Variants in FRMD4A observed in about 807,000 individuals in gnomAD.
The protein encoded by FRMD4A is FERM domain-containing protein 4A.
FRMD4A carries 29 observed loss-of-function variants against 129.1 expected under a neutral mutation model. That is an observed-to-expected ratio of 0.22 (90% CI 0.17 to 0.31). FRMD4A has a LOEUF of 0.31. Ranked by LOEUF, FRMD4A falls within the 10% of genes least tolerant of loss-of-function variation. The pLI, the probability that FRMD4A is intolerant of heterozygous loss-of-function variation, is 1.00. For synonymous variants in FRMD4A, 634 were observed against 571.6 expected, an observed-to-expected ratio of 1.11 and a Z score of -1.56; for missense variants, 1,272 against 1,375.8, an observed-to-expected ratio of 0.92 and a Z score of 1.19.
chr10:13,940,193 C>T (rs1366680058), intron 2 of FRMD4A, among the ~76,000 whole-genome samples: 2 of 151,934 alleles, frequency 1.3e-5, no homozygotes, highest in Non-Finnish European at 2.9e-5. Flanking sequence ...GGGGGTCTGA[C>T]AATGCTTCAC....
At chr10:14,151,306 T>C (rs1204168341) in intron 2 of FRMD4A, among the ~76,000 whole-genome samples, 1 of 152,204 alleles carries the variant, frequency 6.6e-6, no homozygotes, top group Non-Finnish European at 1.5e-5. Flanking sequence ...GTGGTACATG[T>C]ACACCATGAA....
At chr10:14,287,668 T>C (rs1845724408) in intron 2 of FRMD4A, among the ~76,000 whole-genome samples, 1 of 152,118 alleles carries the variant, frequency 6.6e-6, no homozygotes, top group Admixed American at 6.6e-5. Flanking sequence ...CTCTTTTCAC[T>C]AGTTAGGAAA....
intron 2 of FRMD4A, among the ~76,000 whole-genome samples, chr10:14,170,061 G>C (rs1048623619): frequency 1.3e-5 from 2 of 152,076 alleles, no homozygotes; most frequent in Non-Finnish European, 2.9e-5. Flanking sequence ...AGCAGATGTC[G>C]AATAATTCTA....
chr10:14,295,448 C>A (rs951899053), intron 2 of FRMD4A, among the ~76,000 whole-genome samples: 2 of 152,196 alleles, frequency 1.3e-5, no homozygotes, highest in African/African-American at 2.4e-5. Context: ...GTTGTAGTCA[C>A]CCTAGTCCCA....
In FRMD4A at chr10:14,006,033, G is replaced by C. The variant is rs949411018; in HGVS notation, c.46-147121C>G. On this transcript the variant is annotated intron_variant, in intron 2 of 24. Coordinates refer to ENST00000357447, the MANE Select transcript of FRMD4A (RefSeq NM_018027.5). ...TATTGCTTTACACTCCCAATGGAAGGGTGCTGGCTCTCAGTGTTTGCCCTT... is the reference window on the plus strand; with the variant it reads ...TATTGCTTTACACTCCCAATGGAAGCGTGCTGGCTCTCAGTGTTTGCCCTT... Among the ~76,000 whole-genome samples the C allele has an allele frequency of 2.0e-5, 3 of 152,162 alleles. No individual in the cohort carries two copies. In the South Asian group the frequency reaches 6.2e-4, roughly 32 times the overall value.
At chr10:13,791,108 C>T (rs548292303) in intron 5 of FRMD4A, among the ~76,000 whole-genome samples, 1 of 152,250 alleles carries the variant, frequency 6.6e-6, no homozygotes, top group South Asian at 2.1e-4. Context: ...ATTAAAGATA[C>T]AATTAAGTTT....
At chr10:13,939,745 GA>G (rs1661408276) in intron 2 of FRMD4A, among the ~76,000 whole-genome samples, 1 of 152,136 alleles carries the variant, frequency 6.6e-6, no homozygotes, top group African/African-American at 2.4e-5. Flanking sequence ...ACAACTTCTG[GA>G]TGTGCCACAT....
chr10:14,125,028 C>T (rs547670801), intron 2 of FRMD4A, among the ~76,000 whole-genome samples: 1 of 152,168 alleles, frequency 6.6e-6, no homozygotes, highest in Non-Finnish European at 1.5e-5. Context: ...CTGTGTAGTG[C>T]TGTTTTCTAG....
chr10:13,819,898 G>A (rs967857529), intron 3 of FRMD4A, among the ~76,000 whole-genome samples: 2 of 151,960 alleles, frequency 1.3e-5, no homozygotes, highest in African/African-American at 4.8e-5. Flanking sequence ...ATTTTTTTGT[G>A]TTTTTAGTAG....
At chr10:14,234,906 G>A (rs1843750864) in intron 2 of FRMD4A, among the ~76,000 whole-genome samples, 1 of 152,102 alleles carries the variant, frequency 6.6e-6, no homozygotes, top group South Asian at 2.1e-4. Context: ...CGAATTACAG[G>A]GAATTTTTAG....
At chr10:14,199,331 G>C (rs1377143524) in intron 2 of FRMD4A, among the ~76,000 whole-genome samples, 1 of 145,020 alleles carries the variant, frequency 6.9e-6, no homozygotes, top group African/African-American at 2.6e-5. Context: ...TATTTATTAT[G>C]TTTTGAGACA....
chr10:13,761,798 T>TA (rs2092084490), intron 7 of FRMD4A, 129 bp from the exon 8 acceptor site: 1 of 646,354 alleles, frequency 1.5e-6, no homozygotes. Flanking sequence ...GTTATCATCC[T>TA]ATTTGCTGCA....
chr10:13,715,593 G>T (rs1325221137), intron 12 of FRMD4A, among the ~76,000 whole-genome samples: 1 of 152,088 alleles, frequency 6.6e-6, no homozygotes, highest in Non-Finnish European at 1.5e-5. Flanking sequence ...AATGGTGCCT[G>T]GTACATAGTG....
At chr10:13,678,888 G>A (rs2084235517) in intron 15 of FRMD4A, among the ~76,000 whole-genome samples, 1 of 152,126 alleles carries the variant, frequency 6.6e-6, no homozygotes, top group Admixed American at 6.5e-5. Flanking sequence ...TCCAAACATT[G>A]ATCATTTCTT....
At chr10:14,234,637 G>C (rs1416598724) in intron 2 of FRMD4A, among the ~76,000 whole-genome samples, 1 of 152,178 alleles carries the variant, frequency 6.6e-6, no homozygotes, top group Non-Finnish European at 1.5e-5. Flanking sequence ...TTGTTATGTG[G>C]GTCCCAATGA....
chr10:13,781,470 C>T (rs144197879), intron 6 of FRMD4A, among the ~76,000 whole-genome samples: 2,906 of 147,164 alleles, frequency 0.02, 97 homozygotes, highest in African/African-American at 0.069. Flanking sequence ...CTCCACCTCC[C>T]AGGTTCAAGA....
At chr10:13,776,213 C>T (rs1024761453) in intron 6 of FRMD4A, among the ~76,000 whole-genome samples, 2 of 152,160 alleles carry the variant, frequency 1.3e-5, no homozygotes, top group African/African-American at 4.8e-5. Flanking sequence ...GGGGCTCAGG[C>T]AATCCTCCCA....
At chr10:13,656,216 C>A (rs564780296) in intron 22 of FRMD4A, among the ~76,000 whole-genome samples, 1 of 152,342 alleles carries the variant, frequency 6.6e-6, no homozygotes, top group East Asian at 1.9e-4. Flanking sequence ...TGACCCAAGC[C>A]CATCCCCAAC....
At chr10:14,087,445 G>A (rs2131744996) in intron 2 of FRMD4A, 1 of 151,736 alleles carries the variant, frequency 6.6e-6, no homozygotes, top group South Asian at 2.1e-4. Context: ...AAAGTACTTT[G>A]TATATTTTCT....
Sources: allele counts gnomAD v4.1 joint callset (sites outside exome capture counted in the v4.1 genomes callset), GRCh38; gene constraint gnomAD v4.1.1; transcripts MANE v1.5; gene names NCBI Gene and HGNC (gene_info 2026-07-23, HGNC 2026-07-21).